PDE8A: variants seen among roughly 807,000 people sequenced by gnomAD.
PDE8A encodes the protein high affinity cAMP-specific and IBMX-insensitive 3',5'-cyclic phosphodiesterase 8A.
Under a neutral mutation model 105.0 loss-of-function variants are expected in PDE8A, and 59 were observed. That is an observed-to-expected ratio of 0.56 (90% CI 0.46 to 0.70). PDE8A has a LOEUF of 0.70. Ranked by LOEUF, PDE8A falls within the 30% of genes least tolerant of loss-of-function variation. The pLI is 0.00. For synonymous variants in PDE8A, 355 were observed against 371.9 expected, an observed-to-expected ratio of 0.95 and a Z score of 0.52; for missense variants, 1,014 against 1,045.9, an observed-to-expected ratio of 0.97 and a Z score of 0.42.
chr15:85,053,186 G>T (rs1223942244), intron 1 of PDE8A, among the ~76,000 whole-genome samples: 3 of 152,184 alleles, frequency 2.0e-5, no homozygotes, highest in Admixed American at 1.3e-4. Context: ...CTATATCTCT[G>T]TTTTGGTACC....
intron 1 of PDE8A, among the ~76,000 whole-genome samples, chr15:84,986,728 C>G (rs959327508): frequency 6.6e-6 from 1 of 151,994 alleles, no homozygotes; most frequent in Non-Finnish European, 1.5e-5. Flanking sequence ...CCCCCCACCT[C>G]AGCCTCCCAA....
chr15:84,998,780 C>G (rs1277954532), intron 1 of PDE8A, among the ~76,000 whole-genome samples: 1 of 152,108 alleles, frequency 6.6e-6, no homozygotes, highest in Non-Finnish European at 1.5e-5. Context: ...CCAAAAACTT[C>G]CCATGAGGTG....
At chr15:85,080,565 G>C (rs1476743384) in intron 5 of PDE8A, among the ~76,000 whole-genome samples, 1 of 152,136 alleles carries the variant, frequency 6.6e-6, no homozygotes, top group Non-Finnish European at 1.5e-5. Context: ...GTTTGTTTGA[G>C]GTCTCTTTGA....
At chr15:85,128,085 C>G (rs936586976) in intron 20 of PDE8A, among the ~76,000 whole-genome samples, 4 of 149,954 alleles carry the variant, frequency 2.7e-5, no homozygotes, top group Admixed American at 6.6e-5. Flanking sequence ...AACCACAACT[C>G]CTATCTCATA....
chr15:85,104,387 C>G (rs1276109442), intron 11 of PDE8A, among the ~76,000 whole-genome samples: 1 of 152,070 alleles, frequency 6.6e-6, no homozygotes, highest in Non-Finnish European at 1.5e-5. Flanking sequence ...GAGGCTGGGG[C>G]AGGCCAGTTT....
intron 21 of PDE8A, 57 bp downstream of exon 21, chr15:85,136,720 T>TGAAA: frequency 6.5e-7 from 1 of 1,536,808 alleles, no homozygotes; most frequent in Non-Finnish European, 8.9e-7. Context: ...GAACCGCGTA[T>TGAAA]GAAAGAGCAG....
intron 3 of PDE8A, among the ~76,000 whole-genome samples, chr15:85,067,544 T>C (rs2081249005): frequency 6.6e-6 from 1 of 152,180 alleles, no homozygotes; most frequent in Non-Finnish European, 1.5e-5. Flanking sequence ...ATTTTGAAAA[T>C]TGTCTTTTAA....
At position 84,996,546 on chromosome 15, in the gene PDE8A, TG is replaced by T. The variant is rs1278478372; in HGVS notation, c.186+14201del. Among the ~76,000 whole-genome samples the T allele has an allele frequency of 1.6e-4, 24 of 152,128 alleles. No homozygotes were observed. The East Asian group carries it at 4.4e-3, about 28-fold the overall frequency. Reference sequence around the variant, plus strand: ...ACAGTATAAAAGATAAAAAATGGGCTGGGCATGGTGGCTCATGCCTGTAATC... The same window carrying T: ...ACAGTATAAAAGATAAAAAATGGGCTGGCATGGTGGCTCATGCCTGTAATC... On this transcript the variant is annotated intron_variant, in intron 1 of 21. Transcript: ENST00000394553.
At chr15:84,992,394 C>G (rs2079900156) in intron 1 of PDE8A, among the ~76,000 whole-genome samples, 1 of 152,072 alleles carries the variant, frequency 6.6e-6, no homozygotes, top group Non-Finnish European at 1.5e-5. Context: ...GGTGCATGTT[C>G]CAATTATGAG....
chr15:85,096,445 G>A (rs1258675559), intron 8 of PDE8A, among the ~76,000 whole-genome samples: 1 of 152,040 alleles, frequency 6.6e-6, no homozygotes, highest in East Asian at 1.9e-4. Context: ...GGTGAATGGC[G>A]AGAACCTGTC....
chr15:85,071,197 ACCAGTGGC>A (rs966794347), intron 3 of PDE8A, among the ~76,000 whole-genome samples: 21 of 152,238 alleles, frequency 1.4e-4, no homozygotes, highest in Middle Eastern at 6.8e-3. Context: ...AAGCTGAAAT[ACCAGTGGC>A]CATAAAGGAA....
intron 1 of PDE8A, among the ~76,000 whole-genome samples, chr15:84,984,732 G>A (rs529390450): frequency 7.2e-5 from 11 of 152,302 alleles, no homozygotes; most frequent in African/African-American, 2.6e-4. Flanking sequence ...TGAGAAAAGA[G>A]TTCCGTGGTC....
intron 15 of PDE8A, chr15:85,115,711 G>A (rs2082085429): frequency 1.8e-6 from 1 of 543,096 alleles, no homozygotes; most frequent in Non-Finnish European, 3.2e-6. Flanking sequence ...CACAAGGTCA[G>A]GAGTTCAAGA....
At chr15:85,135,803 T>C (rs2082400129) in intron 20 of PDE8A, among the ~76,000 whole-genome samples, 1 of 152,164 alleles carries the variant, frequency 6.6e-6, no homozygotes, top group Admixed American at 6.5e-5. Context: ...TTTGCGAGTC[T>C]CTCTGAAATC....
At chr15:85,041,425 C>G (rs1316400353) in intron 1 of PDE8A, among the ~76,000 whole-genome samples, 1 of 152,266 alleles carries the variant, frequency 6.6e-6, no homozygotes, top group Non-Finnish European at 1.5e-5. Context: ...AAGAGCAGCC[C>G]CACAGAGGAT....
Position 85,065,009 on chromosome 15 carries a change from T to TA in PDE8A, c.243+589dup, listed in dbSNP as rs1229525730. Among the ~76,000 whole-genome samples, 6 of 151,912 alleles carry TA rather than the reference T, an allele frequency of 3.9e-5. No individual in the cohort carries two copies. The East Asian group carries it at 5.8e-4, about 15-fold the overall frequency. On this transcript the variant is annotated intron_variant, in intron 2 of 21. Coordinates refer to ENST00000394553, the MANE Select transcript of PDE8A (RefSeq NM_002605.3). The stretch of plus-strand genomic sequence containing the variant: ...GAAAAAAAATTGGTTCAGCAATAAA[T>TA]AAAAAATGTGTATAATTGTATGTAT...
At chr15:85,011,341 A>G (rs1448384877) in intron 1 of PDE8A, among the ~76,000 whole-genome samples, 2 of 152,164 alleles carry the variant, frequency 1.3e-5, no homozygotes, top group African/African-American at 2.4e-5. Flanking sequence ...GTTAGAAGAC[A>G]GGTTTGGAGC....
chr15:85,094,488 C>A (rs937932970), intron 8 of PDE8A, among the ~76,000 whole-genome samples: 1 of 152,176 alleles, frequency 6.6e-6, no homozygotes, highest in Non-Finnish European at 1.5e-5. Flanking sequence ...TCTCACACTT[C>A]TCTGGTTTTA....
chr15:84,986,909 C>A (rs1311585074), intron 1 of PDE8A, among the ~76,000 whole-genome samples: 1 of 152,146 alleles, frequency 6.6e-6, no homozygotes, highest in African/African-American at 2.4e-5. Context: ...GTTACTGTGC[C>A]CAACTGATTA....
Sources: allele counts gnomAD v4.1 joint callset (sites outside exome capture counted in the v4.1 genomes callset), GRCh38; gene constraint gnomAD v4.1.1; transcripts MANE v1.5; gene names NCBI Gene and HGNC (gene_info 2026-07-23, HGNC 2026-07-21).